Variants in NEGR1 observed in about 807,000 individuals in gnomAD.
NEGR1 encodes neuronal growth regulator 1.
NEGR1 carries 10 observed loss-of-function variants against 40.9 expected under a neutral mutation model. The observed-to-expected ratio is 0.24, with a 90% CI of 0.15 to 0.42. The LOEUF (loss-of-function observed/expected upper bound fraction) is 0.42. Among genes scored for constraint, NEGR1 ranks in the 10% least tolerant of loss-of-function variants. NEGR1 has a pLI of 1.00. For missense variants in NEGR1, 352 were observed against 438.9 expected (o/e 0.80, Z 1.77); for synonymous variants, 185 against 166.8 (o/e 1.11, Z -0.84).
At chr1:72,272,449 T>G (rs2100559981) in intron 1 of NEGR1, among the ~76,000 whole-genome samples, 1 of 152,076 alleles carries the variant, frequency 6.6e-6, no homozygotes, top group Non-Finnish European at 1.5e-5. Context: ...AATATTCTAT[T>G]TATTAAATTA....
chr1:71,632,141 G>A (rs1008893451), intron 4 of NEGR1, among the ~76,000 whole-genome samples: 1 of 151,672 alleles, frequency 6.6e-6, no homozygotes, highest in Admixed American at 6.6e-5. Flanking sequence ...TCTGGTTCAA[G>A]TTATTGGCAG....
At chr1:71,645,697 C>A (rs557787361) in intron 4 of NEGR1, among the ~76,000 whole-genome samples, 2 of 151,620 alleles carry the variant, frequency 1.3e-5, no homozygotes, top group African/African-American at 4.8e-5. Context: ...AGTTTCTGGA[C>A]GTTTGAAGAA....
At chr1:72,254,302 T>C (rs2100534873) in intron 1 of NEGR1, among the ~76,000 whole-genome samples, 1 of 152,278 alleles carries the variant, frequency 6.6e-6, no homozygotes, top group African/African-American at 2.4e-5. Flanking sequence ...CTAGATGCAA[T>C]AAATGAAGGA....
At chr1:71,952,018 C>T (rs1171713465) in intron 1 of NEGR1, among the ~76,000 whole-genome samples, 2 of 151,908 alleles carry the variant, frequency 1.3e-5, no homozygotes, top group Non-Finnish European at 2.9e-5. Context: ...TTCCCCATCT[C>T]TTTCTCTCTC....
At chr1:72,222,044 C>G (rs1285531818) in intron 1 of NEGR1, among the ~76,000 whole-genome samples, 1 of 152,086 alleles carries the variant, frequency 6.6e-6, no homozygotes, top group Non-Finnish European at 1.5e-5. Flanking sequence ...TGGTAGTCAT[C>G]AGGCCAGTAC....
chr1:72,135,765 C>G (rs1650440625), intron 1 of NEGR1, among the ~76,000 whole-genome samples: 1 of 152,176 alleles, frequency 6.6e-6, no homozygotes, highest in Admixed American at 6.5e-5. Context: ...TTTCAGGCAA[C>G]TAACCAAGGA....
At chr1:72,077,679 GGCGCATGCCT>G (rs1372829272) in intron 1 of NEGR1, among the ~76,000 whole-genome samples, 1 of 151,820 alleles carries the variant, frequency 6.6e-6, no homozygotes, top group African/African-American at 2.4e-5. Context: ...CCGGTGCAGT[GGCGCATGCCT>G]GTAGTCCCAG....
At chr1:71,989,157 T>C (rs748227989) in intron 1 of NEGR1, among the ~76,000 whole-genome samples, 12 of 152,076 alleles carry the variant, frequency 7.9e-5, no homozygotes, top group Non-Finnish European at 1.3e-4. Context: ...AGAGGTGAAA[T>C]GCTGAAGACC....
chr1:71,641,478 CTG>C lies in NEGR1; in HGVS notation c.668-30334_668-30333del, dbSNP rs553936675. ...ATGGTGACCCAGTGGTGGGTTTCCT[CTG>C]TATTCTTTAAGCTGATCCTCCTGTC... On this transcript the variant is annotated intron_variant, in intron 4 of 6. Coordinates refer to ENST00000357731, the MANE Select transcript of NEGR1 (RefSeq NM_173808.3). 1.2e-4 allele frequency among the ~76,000 whole-genome samples: 18 copies of C among 152,122 alleles called. No individual in the cohort carries two copies. In the South Asian group the frequency reaches 3.7e-3, roughly 32 times the overall value.
At chr1:71,751,066 T>G (rs548829542) in intron 3 of NEGR1, among the ~76,000 whole-genome samples, 1 of 151,992 alleles carries the variant, frequency 6.6e-6, no homozygotes, top group Non-Finnish European at 1.5e-5. Context: ...TTGGTATGAA[T>G]CTATCATTCT....
intron 1 of NEGR1, among the ~76,000 whole-genome samples, chr1:72,081,277 G>A (rs932638118): frequency 6.6e-6 from 1 of 151,782 alleles, no homozygotes; most frequent in African/African-American, 2.4e-5. Context: ...CTCAAGTCTT[G>A]CCCTATCTAA....
chr1:71,754,598 C>A (rs1479232735), intron 3 of NEGR1, among the ~76,000 whole-genome samples: 1 of 151,966 alleles, frequency 6.6e-6, no homozygotes, highest in Non-Finnish European at 1.5e-5. Context: ...AGCAAATATC[C>A]CACTTTTCTT....
chr1:71,988,986 C>T (rs1646427866), intron 1 of NEGR1, among the ~76,000 whole-genome samples: 1 of 128,962 alleles, frequency 7.8e-6, no homozygotes, highest in Admixed American at 7.9e-5. Context: ...GGGAGATACA[C>T]AAAACTAGCA....
At chr1:71,758,496 A>T in intron 3 of NEGR1, among the ~76,000 whole-genome samples, 1 of 152,232 alleles carries the variant, frequency 6.6e-6, no homozygotes, top group East Asian at 1.9e-4. Context: ...AAAGTTTAAC[A>T]CAGTTTTATT....
At chr1:71,580,890 T>C (rs999565051) in intron 6 of NEGR1, among the ~76,000 whole-genome samples, 5 of 152,188 alleles carry the variant, frequency 3.3e-5, no homozygotes, top group Non-Finnish European at 7.3e-5. Context: ...AAGTAGATAG[T>C]GGCATGCTAA....
intron 2 of NEGR1, among the ~76,000 whole-genome samples, chr1:71,881,873 A>G (rs1450941122): frequency 2.0e-5 from 3 of 152,092 alleles, no homozygotes; most frequent in African/African-American, 7.2e-5. Flanking sequence ...TATTTCAGCT[A>G]CATCTGTGTA....
chr1:72,250,594 T>C (rs1655054448), intron 1 of NEGR1, among the ~76,000 whole-genome samples: 1 of 152,176 alleles, frequency 6.6e-6, no homozygotes, highest in South Asian at 2.1e-4. Context: ...GAATAGAGCA[T>C]ACATGGCATA....
At position 71,458,061 on chromosome 1, in the gene NEGR1, C is replaced by A. The variant is rs908186720; in HGVS notation, c.941-50491G>T. Among the ~76,000 whole-genome samples, 7 of 152,118 alleles carry A rather than the reference C, an allele frequency of 4.6e-5. No homozygotes were observed. The South Asian group carries it at 6.2e-4, about 14-fold the overall frequency. On this transcript the variant is annotated intron_variant, in intron 6 of 6. Coordinates refer to ENST00000357731, the MANE Select transcript of NEGR1 (RefSeq NM_173808.3). ...AGAAGTTATGTCTCTAAAAAAATCA[C>A]ACAGATATACAAGTCTTTTATCCTA...
At chr1:72,098,956 C>T (rs1648823632) in intron 1 of NEGR1, among the ~76,000 whole-genome samples, 1 of 151,830 alleles carries the variant, frequency 6.6e-6, no homozygotes, top group Non-Finnish European at 1.5e-5. Context: ...AGCTTATTAA[C>T]AGATTTTATA....
Sources: gnomAD v4.1 joint callset for allele counts (sites outside exome capture counted in the v4.1 genomes callset) on GRCh38, gnomAD v4.1.1 for gene constraint, MANE v1.5 for transcripts, NCBI Gene and HGNC (gene_info 2026-07-23, HGNC 2026-07-21) for gene names.